The following DDAH1 variants were observed in gnomAD, a reference collection of about 807,000 sequenced individuals.
The protein encoded by DDAH1 is N(G),N(G)-dimethylarginine dimethylaminohydrolase 1.
In DDAH1, 19 loss-of-function variants were observed where a neutral mutation model predicts 28.8. The ratio of observed to expected loss-of-function variants is 0.66; its 90% CI spans 0.46 to 0.97. The LOEUF is 0.97. Ranked by LOEUF, DDAH1 falls within the 50% of genes least tolerant of loss-of-function variation. The pLI is 0.00. For synonymous variants in DDAH1, 153 were observed against 154.4 expected (o/e 0.99, Z 0.07); for missense variants, 326 against 375.9 (o/e 0.87, Z 1.10).
intron 1 of DDAH1, among the ~76,000 whole-genome samples, chr1:85,388,697 A>G (rs1051982745): frequency 6.6e-6 from 1 of 152,214 alleles, no homozygotes; most frequent in Admixed American, 6.5e-5. Flanking sequence ...TGTAGCACCC[A>G]GTAAATCCTA....
intron 1 of DDAH1, among the ~76,000 whole-genome samples, chr1:85,535,061 C>T (rs555187739): frequency 7.9e-5 from 12 of 151,226 alleles, no homozygotes; most frequent in Middle Eastern, 3.4e-3. Flanking sequence ...TTAAGGCAAA[C>T]GAATATACAC....
intron 1 of DDAH1, among the ~76,000 whole-genome samples, chr1:85,545,078 G>C (rs1415560044): frequency 1.3e-5 from 2 of 152,140 alleles, no homozygotes; most frequent in Non-Finnish European, 2.9e-5. Context: ...CAACCCCCTT[G>C]CCCTGCCTCT....
At chr1:85,428,950 G>C (rs541361374) in intron 1 of DDAH1, among the ~76,000 whole-genome samples, 62 of 152,212 alleles carry the variant, frequency 4.1e-4, no homozygotes, top group Non-Finnish European at 7.1e-4. Context: ...TGGAAGTCTA[G>C]AGCTATAGAC....
rs572652894 is a variant in DDAH1, at chr1:85,507,435, T to C, written c.-122-11154A>G. ...GAAGGACTGCTTGAGCCCAGGAGGT[T>C]GAGGCTGGAGTGAGCCATGTTTGTG... On this transcript the variant is annotated intron_variant, in intron 1 of 6. Transcript: ENST00000426972. Among the ~76,000 whole-genome samples, 20 of 152,044 alleles carry C rather than the reference T, an allele frequency of 1.3e-4. 1 individual carries two copies. The highest frequency in any genetic ancestry group is 4.8e-4 in the African/African-American group (20 of 41,500).
At chr1:85,367,839 C>G (rs1036388890) in intron 1 of DDAH1, among the ~76,000 whole-genome samples, 6 of 152,060 alleles carry the variant, frequency 3.9e-5, no homozygotes, top group African/African-American at 1.4e-4. Context: ...GCAATTTGAG[C>G]CTTTGATGAC....
chr1:85,417,230 C>T (rs549859789), intron 1 of DDAH1, among the ~76,000 whole-genome samples: 14 of 152,262 alleles, frequency 9.2e-5, no homozygotes, highest in African/African-American at 2.2e-4. Flanking sequence ...TGAAGCACAG[C>T]GTGCAGCCAG....
intron 1 of DDAH1, among the ~76,000 whole-genome samples, chr1:85,571,056 T>G (rs947546769): frequency 2.0e-5 from 3 of 152,206 alleles, no homozygotes; most frequent in African/African-American, 4.8e-5. Flanking sequence ...TTAACTTCTC[T>G]GAGCCTTCAT....
intron 1 of DDAH1, among the ~76,000 whole-genome samples, chr1:85,563,835 G>A (rs934624447): frequency 1.3e-5 from 2 of 152,170 alleles, no homozygotes; most frequent in Non-Finnish European, 2.9e-5. Flanking sequence ...GTAGCAACAT[G>A]GAAGATATTT....
At chr1:85,399,472 A>G (rs1570486045) in intron 1 of DDAH1, 1 of 152,368 alleles carries the variant, frequency 6.6e-6, no homozygotes, top group Non-Finnish European at 1.5e-5. Context: ...GAAAATTGTT[A>G]AATACAAAAT....
At chr1:85,408,068 C>T (rs66924115) in intron 1 of DDAH1, among the ~76,000 whole-genome samples, 14,616 of 152,126 alleles carry the variant, frequency 0.096, 757 homozygotes, top group Middle Eastern at 0.14. Context: ...GAGTATTAGA[C>T]GCATTGCACT....
chr1:85,385,841 T>G (rs1454353839), intron 1 of DDAH1, among the ~76,000 whole-genome samples: 1 of 152,110 alleles, frequency 6.6e-6, no homozygotes, highest in Non-Finnish European at 1.5e-5. Flanking sequence ...AGCATATCCA[T>G]CTGGGAAGGG....
intron 1 of DDAH1, among the ~76,000 whole-genome samples, chr1:85,503,519 A>ATCTG (rs1656896490): frequency 2.9e-5 from 1 of 33,962 alleles, no homozygotes; most frequent in South Asian, 9.5e-4. Flanking sequence ...TTTAAAGTTC[A>ATCTG]TCTATCTATC....
chr1:85,428,651 G>T (rs1653526823), intron 1 of DDAH1, among the ~76,000 whole-genome samples: 1 of 152,092 alleles, frequency 6.6e-6, no homozygotes, highest in African/African-American at 2.4e-5. Context: ...AGTGGAAATG[G>T]TCTTGTTCCT....
chr1:85,427,629 G>T (rs1004570225), intron 1 of DDAH1, among the ~76,000 whole-genome samples: 5 of 152,090 alleles, frequency 3.3e-5, no homozygotes, highest in African/African-American at 1.2e-4. Context: ...CATTAAACTG[G>T]GTATGTTTAC....
At chr1:85,543,283 A>T (rs1046483447) in intron 1 of DDAH1, among the ~76,000 whole-genome samples, 7 of 152,222 alleles carry the variant, frequency 4.6e-5, no homozygotes, top group East Asian at 1.9e-4. Context: ...TGAAATTTTT[A>T]AAATTTCAAA....
At chr1:85,343,848 G>T (rs1041680181) in intron 4 of DDAH1, among the ~76,000 whole-genome samples, 16 of 152,026 alleles carry the variant, frequency 1.1e-4, no homozygotes, top group Non-Finnish European at 2.4e-4. Flanking sequence ...GGACATTTTT[G>T]GACATAAAAG....
intron 1 of DDAH1, among the ~76,000 whole-genome samples, chr1:85,564,077 C>T (rs1226914723): frequency 3.3e-5 from 5 of 152,144 alleles, no homozygotes; most frequent in African/African-American, 9.7e-5. Context: ...GAGGCTGAGG[C>T]AGGGGAACCG....
intron 1 of DDAH1, among the ~76,000 whole-genome samples, chr1:85,502,920 G>A (rs914234201): frequency 2.6e-5 from 4 of 152,138 alleles, no homozygotes; most frequent in Non-Finnish European, 4.4e-5. Flanking sequence ...CCTGGAGTCA[G>A]ATCTGCTTCT....
intron 4 of DDAH1, among the ~76,000 whole-genome samples, chr1:85,328,473 G>C (rs980744176): frequency 6.7e-6 from 1 of 149,456 alleles, no homozygotes; most frequent in African/African-American, 2.4e-5. Context: ...TCTCACAAAC[G>C]TGCTTTTTTC....
Sources: allele counts gnomAD v4.1 joint callset (sites outside exome capture counted in the v4.1 genomes callset), GRCh38; gene constraint gnomAD v4.1.1; transcripts MANE v1.5; gene names NCBI Gene and HGNC (gene_info 2026-07-23, HGNC 2026-07-21).